WNT9A: variants seen among roughly 807,000 people sequenced by gnomAD.
WNT9A encodes Wnt family member 9A, also known as protein Wnt-9a.
A neutral mutation model predicts 31.4 loss-of-function variants in WNT9A; 8 were observed. That is an observed-to-expected ratio of 0.26 (90% CI 0.15 to 0.46). The LOEUF (loss-of-function observed/expected upper bound fraction) is 0.46, where lower values mean the gene tolerates loss of function less well. Ranked by LOEUF, WNT9A falls within the 20% of genes least tolerant of loss-of-function variation. WNT9A has a pLI of 0.99. For synonymous variants in WNT9A, 236 were observed against 220.1 expected (o/e 1.07, Z -0.64); for missense variants, 457 against 522.9 (o/e 0.87, Z 1.23).
chr1:227,928,477 C>T lies in WNT9A; in HGVS notation c.96-2958G>A, dbSNP rs1233524262. Among the ~76,000 whole-genome samples the T allele has an allele frequency of 1.3e-5, 2 of 152,190 alleles. No homozygotes were observed. Among genetic ancestry groups the T allele is most frequent in the Non-Finnish European group, 2.9e-5 (2 of 68,020 alleles). On this transcript the variant is annotated intron_variant, in intron 1 of 3. Coordinates refer to ENST00000272164, the MANE Select transcript of WNT9A (RefSeq NM_003395.4). This position sits in a 1 kb window ranked among gnomAD's most constrained non-coding sequence, Gnocchi z 4.5. ...TCACTGAATTCTGTGCTGCTCTGGCCATGGCCTTCTTAAGCTCCTGCCCCC... is the reference window on the plus strand; with the variant it reads ...TCACTGAATTCTGTGCTGCTCTGGCTATGGCCTTCTTAAGCTCCTGCCCCC...
Position 227,921,624 on chromosome 1 carries a change from T to C in WNT9A, c.992A>G (p.Gln331Arg). The change falls in exon 4 of 4, where the codon CAG (glutamine) becomes CGG (arginine). Residue 331 changes from glutamine (Q) to arginine (R), a missense_variant. Physicochemically the swap from Gln to Arg is conservative, Grantham distance 43. Coordinates refer to ENST00000272164, the MANE Select transcript of WNT9A (RefSeq NM_003395.4). ...SICCGRGHNT[Q>R]SRVVTRPCQC... Reference sequence around the variant, plus strand: ...GCAGGGCCTTGTCACCACCCGGCTCTGTGTGTTATGGCCGCGGCCACAGCA... The same window carrying C: ...GCAGGGCCTTGTCACCACCCGGCTCCGTGTGTTATGGCCGCGGCCACAGCA... The C allele has an allele frequency of 6.2e-7, 1 of 1,613,412 alleles. No homozygotes were observed. The highest frequency in any genetic ancestry group is 1.1e-5 in the South Asian group (1 of 91,084).
chr1:227,923,726 G>T (rs1666364629), intron 3 of WNT9A, among the ~76,000 whole-genome samples: 1 of 152,072 alleles, frequency 6.6e-6, no homozygotes, highest in African/African-American at 2.4e-5. Flanking sequence ...TGGTCTGTGG[G>T]GGGCACATCT....
At chr1:227,938,676 C>A (rs541375331) in intron 1 of WNT9A, among the ~76,000 whole-genome samples, 160 of 152,262 alleles carry the variant, frequency 1.1e-3, no homozygotes, top group African/African-American at 3.6e-3. Flanking sequence ...CATACATATA[C>A]ATGCATGTAC....
chr1:227,939,456 GA>G (rs1328725806), intron 1 of WNT9A, among the ~76,000 whole-genome samples: 1 of 152,124 alleles, frequency 6.6e-6, no homozygotes, highest in East Asian at 1.9e-4. Context: ...GCCACCCTGG[GA>G]GGACCCACTC....
intron 1 of WNT9A, among the ~76,000 whole-genome samples, chr1:227,934,319 T>C (rs992398858): frequency 2.0e-5 from 3 of 152,236 alleles, no homozygotes; most frequent in Non-Finnish European, 4.4e-5. Context: ...CTTTAATTAT[T>C]ATAGGATTAA....
chr1:227,920,335 G>A lies in WNT9A; in HGVS notation c.*1183C>T, dbSNP rs1346727790. 6.6e-6 allele frequency: 1 copy of A among 152,282 alleles called. No homozygotes were observed. The highest frequency in any genetic ancestry group is 1.5e-5 in the Non-Finnish European group (1 of 68,054). The allele number at this position is 152,282 out of a possible 1,614,324, so 9.4% of individuals were successfully genotyped here. A position where few individuals can be genotyped will look rare whatever the true frequency, so the allele number is the denominator to read the frequency against. ...AAACAACTAAGCAGATCAGAGGCAGGGTTAGGAGGGAATATGTCAGGGACG... is the reference window on the plus strand; with the variant it reads ...AAACAACTAAGCAGATCAGAGGCAGAGTTAGGAGGGAATATGTCAGGGACG... On this transcript the variant is annotated 3_prime_UTR_variant, in exon 4 of 4. Coordinates refer to ENST00000272164, the MANE Select transcript of WNT9A (RefSeq NM_003395.4).
At chr1:227,944,560 C>T (rs1432551193) in intron 1 of WNT9A, among the ~76,000 whole-genome samples, 1 of 152,190 alleles carries the variant, frequency 6.6e-6, no homozygotes, top group Admixed American at 6.5e-5. Flanking sequence ...AGCCCTGAGG[C>T]CCACCAGGCC....
Position 227,925,532 on chromosome 1 carries a change from A to G in WNT9A, c.96-13T>C. The G allele has an allele frequency of 6.6e-7, 1 of 1,513,080 alleles. No homozygotes were observed. The allele number at this position is 1,513,080 out of a possible 1,614,324, so 93.7% of individuals were successfully genotyped here. On this transcript the variant is annotated splice_polypyrimidine_tract_variant and intron_variant, in intron 1 of 3. Coordinates refer to ENST00000272164, the MANE Select transcript of WNT9A (RefSeq NM_003395.4). This position sits in a 1 kb window ranked among gnomAD's most constrained non-coding sequence, Gnocchi z 6.0. ...GCTGCCCGTCAGCCTGGGCACAGAGAGGCCAGCATGAGCCCGGCCCCAGGA... is the reference window on the plus strand; with the variant it reads ...GCTGCCCGTCAGCCTGGGCACAGAGGGGCCAGCATGAGCCCGGCCCCAGGA...
intron 1 of WNT9A, among the ~76,000 whole-genome samples, chr1:227,930,135 C>T (rs1051378083): frequency 9.8e-5 from 15 of 152,328 alleles, no homozygotes; most frequent in African/African-American, 1.4e-4. Context: ...GTTATAGGAA[C>T]GTGCTGGAGA....
At position 227,925,598 on chromosome 1, in the gene WNT9A, T is replaced by C; in HGVS notation, c.96-79A>G. 7.0e-7 allele frequency: 1 copy of C among 1,437,710 alleles called. No individual in the cohort carries two copies. The highest frequency in any genetic ancestry group is 2.5e-5 in the East Asian group (1 of 39,730). The allele number at this position is 1,437,710 out of a possible 1,614,324, so 89.1% of individuals were successfully genotyped here. A position where few individuals can be genotyped will look rare whatever the true frequency, so the allele number is the denominator to read the frequency against. On this transcript the variant is annotated intron_variant, in intron 1 of 3. Transcript: ENST00000272164. The surrounding 1 kb of genome is among the most constrained non-coding windows in gnomAD (Gnocchi z 6.0). ...TGGCCAGGTGTCTCGGTGGCCAGGG[T>C]ACAGGGGACAGGCGTGTCCATCCGG...
At position 227,925,209 on chromosome 1, in the gene WNT9A, C is replaced by T. The variant is rs1666395754; in HGVS notation, c.352+54G>A. The T allele has an allele frequency of 3.4e-6, 5 of 1,471,946 alleles. No individual in the cohort carries two copies. Among genetic ancestry groups the T allele is most frequent in the Non-Finnish European group, 3.6e-6 (4 of 1,109,602 alleles). 91.2% of individuals were successfully genotyped at this position (1,471,946 alleles called of 1,614,324 possible). ...GGGGCCTCTTGGGATATGGACAAGG[C>T]CTGGGCTGCCACCTGTCTGGGGCCT... is the stretch of plus-strand genomic sequence containing the variant. On this transcript the variant is annotated intron_variant, in intron 2 of 3. Transcript: ENST00000272164. This position sits in a 1 kb window ranked among gnomAD's most constrained non-coding sequence, Gnocchi z 6.0.
intron 1 of WNT9A, among the ~76,000 whole-genome samples, chr1:227,937,365 T>C (rs1004839549): frequency 2.0e-5 from 3 of 152,154 alleles, no homozygotes; most frequent in Non-Finnish European, 4.4e-5. Flanking sequence ...GAGGAAACAG[T>C]TGGCAGAAAC....
chr1:227,919,798 CTCACAACAT>C lies in WNT9A; in HGVS notation c.*1711_*1719del, dbSNP rs1246828689. On this transcript the variant is annotated 3_prime_UTR_variant, in exon 4 of 4. Transcript: ENST00000272164. Reference sequence around the variant, plus strand: ...CGCCAGCACACACGCACTCACAACACTCACAACATACGCACACGTATGCACACTGACCAC... The same window carrying C: ...CGCCAGCACACACGCACTCACAACACACGCACACGTATGCACACTGACCAC... 1 of 141,672 alleles carries C rather than the reference CTCACAACAT, an allele frequency of 7.1e-6. No individual in the cohort carries two copies. Among genetic ancestry groups the C allele is most frequent in the Non-Finnish European group, 1.6e-5 (1 of 63,888 alleles). 8.8% of individuals were successfully genotyped at this position (141,672 alleles called of 1,614,324 possible). A position where few individuals can be genotyped will look rare whatever the true frequency, so the allele number is the denominator to read the frequency against.
At chr1:227,944,879 T>C (rs1186026589) in intron 1 of WNT9A, among the ~76,000 whole-genome samples, 2 of 152,056 alleles carry the variant, frequency 1.3e-5, no homozygotes, top group South Asian at 2.1e-4. Flanking sequence ...AGAACTCCAG[T>C]GGGAAGCCTC....
chr1:227,925,644 T>G lies in WNT9A; in HGVS notation c.96-125A>C. ...TCCGGGGGTGAGGGGGCAGAAAGAA[T>G]CCAGGATGAGCCAGGCAGGGGAGAG... On this transcript the variant is annotated intron_variant, in intron 1 of 3. Transcript: ENST00000272164. The surrounding 1 kb of genome is among the most constrained non-coding windows in gnomAD (Gnocchi z 6.0). 7.3e-7 allele frequency: 1 copy of G among 1,368,418 alleles called. No individual in the cohort carries two copies. Among genetic ancestry groups the G allele is most frequent in the Non-Finnish European group, 9.5e-7 (1 of 1,048,742 alleles). The allele number at this position is 1,368,418 out of a possible 1,614,324, so 84.8% of individuals were successfully genotyped here.
rs942040798 is a variant in WNT9A, at chr1:227,942,120, C to A, written c.95+5673G>T. 6.6e-5 allele frequency among the ~76,000 whole-genome samples: 10 copies of A among 152,164 alleles called. No individual in the cohort carries two copies. Among genetic ancestry groups the A allele is most frequent in the African/African-American group, 2.2e-4 (9 of 41,446 alleles). Reference sequence around the variant, plus strand: ...GCCGGCGGAAGGTCCCAGGCCAGGGCAGGCACTGGGGCCCTCTGCAGCCTG... The same window carrying A: ...GCCGGCGGAAGGTCCCAGGCCAGGGAAGGCACTGGGGCCCTCTGCAGCCTG... On this transcript the variant is annotated intron_variant, in intron 1 of 3. Transcript: ENST00000272164. This position sits in a 1 kb window ranked among gnomAD's most constrained non-coding sequence, Gnocchi z 5.7.
intron 1 of WNT9A, among the ~76,000 whole-genome samples, chr1:227,944,266 G>C (rs538936741): frequency 2.5e-4 from 38 of 152,320 alleles, no homozygotes; most frequent in African/African-American, 8.9e-4. Context: ...AGCCAGGCGC[G>C]GAGGCCACAC....
In WNT9A at chr1:227,925,376, T is replaced by C; in HGVS notation, c.239A>G (p.Glu80Gly). ...CATGCTCACGGCCTCCACCAGCGTC[T>C]CTGCCACGCCCGGGTCCCGGCGGCA... ...RMCRRDPGVA[E>G]TLVEAVSMSA... is the part of the protein sequence containing the mutation. The change falls in exon 2 of 4, where the codon GAG becomes GGG. Residue 80 changes from glutamate to glycine, a missense_variant. By Grantham distance (98) the Glu-to-Gly change is moderately conservative. Coordinates refer to ENST00000272164, the MANE Select transcript of WNT9A (RefSeq NM_003395.4). This position sits in a 1 kb window ranked among gnomAD's most constrained non-coding sequence, Gnocchi z 6.0. The C allele has an allele frequency of 6.2e-7, 1 of 1,611,476 alleles. No homozygotes were observed. Among genetic ancestry groups the C allele is most frequent in the Non-Finnish European group, 8.5e-7 (1 of 1,179,582 alleles).
In WNT9A at chr1:227,918,861, G is replaced by A. The variant is rs1033976209; in HGVS notation, c.*2657C>T. The A allele has an allele frequency of 6.8e-6, 1 of 145,994 alleles. No homozygotes were observed. Among genetic ancestry groups the A allele is most frequent in the African/African-American group, 2.5e-5 (1 of 40,250 alleles). The allele number at this position is 145,994 out of a possible 1,614,324, so 9.0% of individuals were successfully genotyped here. ...GGCCAGAAGCCACCTGGGGGTCCAGGTCCCTCAAGGCAGGGCCTGGTGCAG... is the reference window on the plus strand; with the variant it reads ...GGCCAGAAGCCACCTGGGGGTCCAGATCCCTCAAGGCAGGGCCTGGTGCAG... On this transcript the variant is annotated 3_prime_UTR_variant, in exon 4 of 4. Coordinates refer to ENST00000272164, the MANE Select transcript of WNT9A (RefSeq NM_003395.4).
Sources: allele counts gnomAD v4.1 joint callset (sites outside exome capture counted in the v4.1 genomes callset), GRCh38; gene constraint gnomAD v4.1.1; non-coding constraint Gnocchi (gnomAD v3.1); transcripts MANE v1.5; gene names NCBI Gene and HGNC (gene_info 2026-07-23, HGNC 2026-07-21).